MME: variants seen among roughly 807,000 people sequenced by gnomAD.
The protein encoded by MME is membrane metalloendopeptidase.
Under a neutral mutation model 113.2 loss-of-function variants are expected in MME, and 98 were observed. That is an observed-to-expected ratio of 0.87 (90% CI 0.74 to 1.02). The LOEUF is 1.02. MME is among the 50% of genes least tolerant of loss of function. The pLI is 0.00. For missense variants in MME, 836 were observed against 896.0 expected (o/e 0.93, Z 0.86); for synonymous variants, 292 against 300.6 (o/e 0.97, Z 0.30).
chr3:155,075,007 T>A (rs193032588), upstream of MME, among the ~76,000 whole-genome samples: 69 of 152,132 alleles, frequency 4.5e-4, no homozygotes, highest in African/African-American at 1.6e-3. Flanking sequence ...ATCTTCTATA[T>A]CCTTACTGAT....
intron 3 of MME, among the ~76,000 whole-genome samples, chr3:155,109,992 T>C (rs1718049620): frequency 6.6e-6 from 1 of 152,230 alleles, no homozygotes; most frequent in African/African-American, 2.4e-5. Context: ...CTATAAAAAA[T>C]TCATCCGCGG....
chr3:155,025,358 G>A (rs1423267041), intron 1 of MME, among the ~76,000 whole-genome samples: 1 of 152,128 alleles, frequency 6.6e-6, no homozygotes, highest in East Asian at 1.9e-4. Context: ...GTAGGCAAAA[G>A]TAGAGACAAA....
chr3:155,048,028 T>C (rs890369304), intron 1 of MME, among the ~76,000 whole-genome samples: 22 of 152,168 alleles, frequency 1.4e-4, no homozygotes, highest in Non-Finnish European at 2.9e-4. Context: ...GTAGGCTTTA[T>C]TCCAGGGGGC....
intron 3 of MME, among the ~76,000 whole-genome samples, chr3:155,101,705 G>C (rs570308929): frequency 2.4e-4 from 36 of 152,184 alleles, no homozygotes; most frequent in African/African-American, 8.4e-4. Context: ...CCATCTGCTG[G>C]TTATAGCTCC....
In MME at chr3:155,119,925, T is replaced by C. The variant is rs1324586696; in HGVS notation, c.720+1114T>C. 6.3e-5 allele frequency among the ~76,000 whole-genome samples: 5 copies of C among 79,002 alleles called. 1 individual carries two copies. In the East Asian group the frequency reaches 1.9e-3, roughly 30 times the overall value. 51.8% of individuals were successfully genotyped at this position (79,002 alleles called of 152,430 possible). A position where few individuals can be genotyped will look rare whatever the true frequency, so the allele number is the denominator to read the frequency against. Reference sequence around the variant, plus strand: ...CATGATTTATAGTCATTTGGGTATATACCCAGTAATGGGATGGCTGGGTCA... The same window carrying C: ...CATGATTTATAGTCATTTGGGTATACACCCAGTAATGGGATGGCTGGGTCA... On this transcript the variant is annotated intron_variant, in intron 8 of 22. Transcript: ENST00000360490.
intron 13 of MME, 103 bp downstream of exon 13, chr3:155,143,674 T>A: frequency 7.4e-7 from 1 of 1,358,500 alleles, no homozygotes; most frequent in Non-Finnish European, 1.0e-6. Flanking sequence ...AAAATTTTAT[T>A]AATTTAGGCA....
At chr3:155,100,695 T>C (rs1217583054) in intron 3 of MME, among the ~76,000 whole-genome samples, 2 of 152,110 alleles carry the variant, frequency 1.3e-5, no homozygotes, top group African/African-American at 4.8e-5. Flanking sequence ...GAAACTCATA[T>C]CATGCAAATA....
intron 1 of MME, among the ~76,000 whole-genome samples, chr3:155,037,930 G>A (rs776511498): frequency 3.3e-5 from 5 of 152,112 alleles, no homozygotes; most frequent in Admixed American, 6.6e-5. Context: ...CTTTAGCTGC[G>A]TGTGTGTTGG....
chr3:155,031,659 G>T (rs975813301), intron 1 of MME, among the ~76,000 whole-genome samples: 14 of 151,982 alleles, frequency 9.2e-5, no homozygotes, highest in African/African-American at 3.1e-4. Flanking sequence ...TGTTTGTTTT[G>T]TATTGTTTTG....
intron 1 of MME, among the ~76,000 whole-genome samples, chr3:155,054,268 C>T (rs1269056780): frequency 6.6e-6 from 1 of 152,040 alleles, no homozygotes; most frequent in East Asian, 1.9e-4. Flanking sequence ...TTTATGTAGG[C>T]TTTATGCCAT....
In MME at chr3:155,063,508, TA is replaced by T. The variant is rs1361849140; in HGVS notation, c.-10-20649del. Among the ~76,000 whole-genome samples, 269 of 113,002 alleles carry T rather than the reference TA, an allele frequency of 2.4e-3. 1 individual carries two copies. The highest frequency in any genetic ancestry group is 9.6e-3 in the African/African-American group (250 of 25,954). The allele number at this position is 113,002 out of a possible 152,430, so 74.1% of individuals were successfully genotyped here. On this transcript the variant is annotated intron_variant, in intron 1 of 22. Transcript: ENST00000492661. ...TTATATATATATATTTAAATATATA[TA>T]TTTAAATATATATATTAAAAATATA...
intron 20 of MME, 55 bp downstream of exon 20, chr3:155,168,852 T>A: frequency 6.9e-7 from 1 of 1,445,050 alleles, no homozygotes; most frequent in Non-Finnish European, 9.7e-7. Flanking sequence ...TTCTCATATT[T>A]AATAATTCAT....
chr3:155,150,894 T>C lies in MME; in HGVS notation c.1601+2241T>C, dbSNP rs147722183. ...AGTAATTGCATCAAATCATTAAGAC[T>C]GAGCCCTATAGGATACAACATGATC... On this transcript the variant is annotated intron_variant, in intron 16 of 22. Coordinates refer to ENST00000360490, the MANE Select transcript of MME (RefSeq NM_007289.4). 5.9e-3 allele frequency among the ~76,000 whole-genome samples: 897 copies of C among 152,312 alleles called. 4 individuals carry two copies. The highest frequency in any genetic ancestry group is 0.021 in the African/African-American group (853 of 41,582).
chr3:155,108,816 T>G (rs535167212), intron 3 of MME, among the ~76,000 whole-genome samples: 1 of 152,224 alleles, frequency 6.6e-6, no homozygotes, highest in South Asian at 2.1e-4. Context: ...TATATAAATA[T>G]TAAGATAGTT....
At chr3:155,074,443 T>G (rs1035483321) in intron 1 of MME, among the ~76,000 whole-genome samples, 1 of 152,090 alleles carries the variant, frequency 6.6e-6, no homozygotes, top group Non-Finnish European at 1.5e-5. Flanking sequence ...TTCTTTCTTT[T>G]TTTTTTGAGA....
intron 22 of MME, among the ~76,000 whole-genome samples, chr3:155,178,172 C>A (rs1323104599): frequency 3.3e-5 from 5 of 152,152 alleles, no homozygotes; most frequent in African/African-American, 1.2e-4. Context: ...CAGCTTCTGA[C>A]TCCACTTCAC....
chr3:155,179,728 T>C (rs1189169700), intron 22 of MME, among the ~76,000 whole-genome samples: 1 of 152,174 alleles, frequency 6.6e-6, no homozygotes, highest in Non-Finnish European at 1.5e-5. Flanking sequence ...AGTTGGACTG[T>C]GTTGTTTTTG....
chr3:155,105,517 T>C (rs1717613477), intron 3 of MME, among the ~76,000 whole-genome samples: 1 of 152,164 alleles, frequency 6.6e-6, no homozygotes, highest in Non-Finnish European at 1.5e-5. Context: ...CTAGATTTTC[T>C]TAAAATAGGA....
chr3:155,055,646 A>G (rs1383466911), intron 1 of MME, among the ~76,000 whole-genome samples: 4 of 152,174 alleles, frequency 2.6e-5, no homozygotes, highest in Non-Finnish European at 5.9e-5. Flanking sequence ...TAAATTTCAA[A>G]ACCAGGCAGA....
Sources: gnomAD v4.1 joint callset for allele counts (sites outside exome capture counted in the v4.1 genomes callset) on GRCh38, gnomAD v4.1.1 for gene constraint, MANE v1.5 for transcripts, NCBI Gene and HGNC (gene_info 2026-07-23, HGNC 2026-07-21) for gene names.